CPA6: variants seen among roughly 807,000 people sequenced by gnomAD.
The protein encoded by CPA6 is carboxypeptidase B.
In CPA6, 58 loss-of-function variants were observed where a neutral mutation model predicts 63.3. The ratio of observed to expected loss-of-function variants is 0.92; its 90% CI spans 0.74 to 1.14. The LOEUF is 1.14. CPA6 is among the 50% of genes most tolerant of loss of function. CPA6 has a pLI of 0.00. For synonymous variants in CPA6, 185 were observed against 179.0 expected (o/e 1.03, Z -0.27); for missense variants, 565 against 526.6 (o/e 1.07, Z -0.71).
chr8:67,729,010 A>G (rs542216919), intron 1 of CPA6, among the ~76,000 whole-genome samples: 13 of 152,366 alleles, frequency 8.5e-5, no homozygotes, highest in African/African-American at 2.9e-4. Context: ...ACTTCATTAA[A>G]GTAGCACAGA....
chr8:67,590,080 C>T (rs1003888968), intron 2 of CPA6, among the ~76,000 whole-genome samples: 13 of 151,752 alleles, frequency 8.6e-5, no homozygotes, highest in South Asian at 2.1e-4. Context: ...TGATGTTCCC[C>T]TTCCTGTGTC....
Position 67,623,411 on chromosome 8 carries a change from C to CT in CPA6, c.192+764dup, listed in dbSNP as rs879384048. 5.3e-3 allele frequency among the ~76,000 whole-genome samples: 778 copies of CT among 146,950 alleles called. 2 individuals are homozygous for CT. Among genetic ancestry groups the CT allele is most frequent in the Non-Finnish European group, 6.9e-3 (459 of 66,246 alleles). The stretch of plus-strand genomic sequence containing the variant: ...GATAATGTGTCAGATAGAAAATTTT[C>CT]TTTTTTTTTTTCTTGAGACAGGGTT... On this transcript the variant is annotated intron_variant, in intron 2 of 10. Transcript: ENST00000297770.
chr8:67,482,463 A>G (rs760819290), intron 8 of CPA6, among the ~76,000 whole-genome samples: 1 of 152,216 alleles, frequency 6.6e-6, no homozygotes, highest in Non-Finnish European at 1.5e-5. Flanking sequence ...CATCTATAAT[A>G]CCACATCATA....
chr8:67,431,817 G>A (rs1175820308), intron 9 of CPA6, among the ~76,000 whole-genome samples: 1 of 152,072 alleles, frequency 6.6e-6, no homozygotes, highest in African/African-American at 2.4e-5. Flanking sequence ...GGAATGCCAA[G>A]AACAAAATTC....
At chr8:67,593,772 T>C (rs944117403) in intron 2 of CPA6, among the ~76,000 whole-genome samples, 4 of 148,864 alleles carry the variant, frequency 2.7e-5, no homozygotes, top group African/African-American at 1.0e-4. Context: ...TTTGAGCCTA[T>C]GTGTGTCTGC....
chr8:67,742,864 TGTTA>T (rs1563417098), intron 1 of CPA6, among the ~76,000 whole-genome samples: 1 of 152,184 alleles, frequency 6.6e-6, no homozygotes, highest in Non-Finnish European at 1.5e-5. Context: ...ATCATGGCCA[TGTTA>T]GTTCTACAAT....
chr8:67,709,992 A>G (rs1366893821), intron 1 of CPA6, among the ~76,000 whole-genome samples: 1 of 152,098 alleles, frequency 6.6e-6, no homozygotes, highest in Non-Finnish European at 1.5e-5. Context: ...GCGTGCCTGT[A>G]ATCCCAGCTA....
intron 2 of CPA6, among the ~76,000 whole-genome samples, chr8:67,568,550 C>T (rs941995817): frequency 2.6e-5 from 4 of 152,102 alleles, no homozygotes; most frequent in Non-Finnish European, 5.9e-5. Context: ...GCTTCAACAG[C>T]TGGCTCAATC....
intron 8 of CPA6, among the ~76,000 whole-genome samples, chr8:67,435,148 C>T (rs1810121144): frequency 6.6e-6 from 1 of 152,166 alleles, no homozygotes; most frequent in Non-Finnish European, 1.5e-5. Context: ...TTTTGGAGGT[C>T]CCCCCAGAGA....
intron 2 of CPA6, among the ~76,000 whole-genome samples, chr8:67,528,032 C>T (rs1812401425): frequency 6.6e-6 from 1 of 152,176 alleles, no homozygotes; most frequent in African/African-American, 2.4e-5. Context: ...ACTCCCCCAC[C>T]TCCCCCAACA....
In CPA6 at chr8:67,511,654, C is replaced by T; in HGVS notation, c.319G>A (p.Val107Ile). The stretch of plus-strand genomic sequence containing the variant: ...GTTTTCTGAAGATCTTCTATGAGGA[C>T]CCTGAATTTGGAATGACAGACATGA... ...FLQEANIQYKVLIEDLQKTLE... is the reference protein window; with the variant it reads ...FLQEANIQYKILIEDLQKTLE... The change falls in exon 4 of 11, where the codon GTC becomes ATC. Residue 107 changes from valine to isoleucine, a missense_variant and splice_region_variant. By Grantham distance (29) the Val-to-Ile change is conservative. Coordinates refer to ENST00000297770, the MANE Select transcript of CPA6 (RefSeq NM_020361.5). 1 of 1,576,776 alleles carries T rather than the reference C, an allele frequency of 6.3e-7. No individual in the cohort carries two copies.
chr8:67,439,569 A>T (rs1810241102), intron 8 of CPA6, among the ~76,000 whole-genome samples: 1 of 151,106 alleles, frequency 6.6e-6, no homozygotes, highest in East Asian at 2.0e-4. Context: ...AGCCTGGGTG[A>T]CAAGAGCAAG....
chr8:67,672,483 T>C (rs1047467322), intron 1 of CPA6, among the ~76,000 whole-genome samples: 1 of 152,164 alleles, frequency 6.6e-6, no homozygotes, highest in African/African-American at 2.4e-5. Context: ...CAAGTCCTCC[T>C]GTCCTTCTCC....
At chr8:67,599,875 A>G (rs935130338) in intron 2 of CPA6, among the ~76,000 whole-genome samples, 6 of 152,176 alleles carry the variant, frequency 3.9e-5, no homozygotes, top group African/African-American at 1.4e-4. Flanking sequence ...ATTCATAGTC[A>G]TTACTAAATA....
At chr8:67,511,739 C>G (rs542133383) in intron 3 of CPA6, 84 bp from the exon 4 acceptor site, 1 of 770,286 alleles carries the variant, frequency 1.3e-6, no homozygotes, top group Admixed American at 1.9e-5. Flanking sequence ...TCATATGCAT[C>G]TATGTAAAGA....
chr8:67,570,538 G>A (rs1462174472), intron 2 of CPA6, among the ~76,000 whole-genome samples: 2 of 152,112 alleles, frequency 1.3e-5, no homozygotes, highest in Non-Finnish European at 2.9e-5. Context: ...ACAAAATGAT[G>A]TAAATTCAGA....
intron 1 of CPA6, among the ~76,000 whole-genome samples, chr8:67,636,984 T>C (rs1422812429): frequency 6.6e-6 from 1 of 151,650 alleles, no homozygotes; most frequent in African/African-American, 2.4e-5. Flanking sequence ...TCTTTGGTTA[T>C]GGTTTATAGT....
intron 1 of CPA6, among the ~76,000 whole-genome samples, chr8:67,734,561 C>A (rs1220604623): frequency 6.6e-6 from 1 of 152,146 alleles, no homozygotes; most frequent in African/African-American, 2.4e-5. Context: ...TGGACTCCCC[C>A]ATATGTATCC....
intron 1 of CPA6, among the ~76,000 whole-genome samples, chr8:67,632,156 G>A (rs545580153): frequency 1.2e-5 from 1 of 83,182 alleles, no homozygotes; most frequent in Non-Finnish European, 2.5e-5. Flanking sequence ...TGCTGTGTGT[G>A]TGTGTGTGTG....
Sources: allele counts gnomAD v4.1 joint callset (sites outside exome capture counted in the v4.1 genomes callset), GRCh38; gene constraint gnomAD v4.1.1; transcripts MANE v1.5; gene names NCBI Gene and HGNC (gene_info 2026-07-23, HGNC 2026-07-21).